The following ZNF627 variants were observed in gnomAD, a reference collection of about 807,000 sequenced individuals.
ZNF627 encodes the protein zinc finger protein 627.
Under a neutral mutation model 10.6 loss-of-function variants are expected in ZNF627, and 12 were observed. The ratio of observed to expected loss-of-function variants is 1.13; its 90% CI spans 0.73 to 1.84. The LOEUF (loss-of-function observed/expected upper bound fraction) is 1.84, where lower values mean the gene tolerates loss of function less well. Among genes scored for constraint, ZNF627 ranks in the 40% most tolerant of loss-of-function variants. The pLI is 0.00. For missense variants in ZNF627, 504 were observed against 568.4 expected (o/e 0.89, Z 1.15); for synonymous variants, 176 against 187.1 (o/e 0.94, Z 0.48).
At chr19:11,609,431 C>T (rs1227721043) in intron 1 of ZNF627, among the ~76,000 whole-genome samples, 1 of 145,548 alleles carries the variant, frequency 6.9e-6, no homozygotes, top group Non-Finnish European at 1.5e-5. Context: ...TGCTTTGCAT[C>T]TTCCAGATCC....
chr19:11,617,026 A>AC lies in ZNF627; in HGVS notation c.525dup (p.Phe176LeufsTer15). 1 of 1,614,048 alleles carries AC rather than the reference A, an allele frequency of 6.2e-7. No individual in the cohort carries two copies. Among genetic ancestry groups the AC allele is most frequent in the Non-Finnish European group, 8.5e-7 (1 of 1,179,976 alleles). On this transcript the variant is annotated frameshift_variant, in exon 4 of 4. Coordinates refer to ENST00000361113, the MANE Select transcript of ZNF627 (RefSeq NM_145295.4). LOFTEE classifies it low-confidence loss of function (END_TRUNC). ...CTATGATTGTAAGGAATGTGGAGAA[A>AC]CCTTTATTTCTCTTGTAAGCATTCG...
chr19:11,606,855 C>T (rs896489568), intron 1 of ZNF627, among the ~76,000 whole-genome samples: 1 of 152,216 alleles, frequency 6.6e-6, no homozygotes, highest in Non-Finnish European at 1.5e-5. Context: ...AAGCCATGAC[C>T]CGAATTGTAC....
rs747948922 is a variant in ZNF627, at chr19:11,617,260, T to C, written c.757T>C (p.Cys253Arg). 3.1e-6 allele frequency: 5 copies of C among 1,613,816 alleles called. No homozygotes were observed. Among genetic ancestry groups the C allele is most frequent in the Non-Finnish European group, 1.7e-6 (2 of 1,179,988 alleles). ...TCACACTGGAGATAAACCCTATGAA[T>C]GCAAGCAGTGTGGGAAAGCTTTCAG... ...RTHTGDKPYECKQCGKAFSCS... is the reference protein window; with the variant it reads ...RTHTGDKPYERKQCGKAFSCS... The change falls in exon 4 of 4, where the codon TGC becomes CGC. Residue 253 changes from cysteine to arginine, a missense_variant. Physicochemically the swap from Cys to Arg is radical, Grantham distance 180. Transcript: ENST00000361113.
At chr19:11,616,196 C>T (rs906431024) in intron 3 of ZNF627, among the ~76,000 whole-genome samples, 30 of 151,728 alleles carry the variant, frequency 2.0e-4, no homozygotes, top group African/African-American at 7.0e-4. Context: ...CTCCACTGCG[C>T]CTGGCTAATT....
intron 1 of ZNF627, chr19:11,604,414 C>T (rs561605068): frequency 6.6e-6 from 1 of 152,326 alleles, no homozygotes; most frequent in African/African-American, 2.4e-5. Flanking sequence ...GGACCTCTCT[C>T]TGGGCAGTTG....
intron 1 of ZNF627, 89 bp downstream of exon 1, chr19:11,597,719 C>T: frequency 1.6e-6 from 2 of 1,265,854 alleles, no homozygotes; most frequent in Non-Finnish European, 2.0e-6. Context: ...CTAGGCCTCC[C>T]TGCGGCGACT....
At chr19:11,610,903 A>G (rs1973762043) in intron 1 of ZNF627, among the ~76,000 whole-genome samples, 1 of 151,776 alleles carries the variant, frequency 6.6e-6, no homozygotes, top group African/African-American at 2.4e-5. Context: ...GCCAGGCTGG[A>G]GTGCAGTGGC....
intron 1 of ZNF627, among the ~76,000 whole-genome samples, chr19:11,606,134 GATCAAGACC>G (rs1259233468): frequency 6.6e-6 from 1 of 152,048 alleles, no homozygotes; most frequent in African/African-American, 2.4e-5. Flanking sequence ...GAGGTCAGGA[GATCAAGACC>G]ATCCTGGCTA....
In ZNF627 at chr19:11,614,841, G is replaced by A; in HGVS notation, c.145G>A (p.Asp49Asn). Reference sequence around the variant, plus strand: ...CTAAATTTTAGGAAAACAATGGGAAGACCAGAACATTGAAGACCCATTCAA... The same window carrying A: ...CTAAATTTTAGGAAAACAATGGGAAAACCAGAACATTGAAGACCCATTCAA... ...NLASVGKQWE[D>N]QNIEDPFKIP... Residue 49 changes from aspartate (D) to asparagine (N), a missense_variant, in exon 3 of 4, where the codon GAC becomes AAC. Coordinates refer to ENST00000361113, the MANE Select transcript of ZNF627 (RefSeq NM_145295.4). 6.2e-7 allele frequency: 1 copy of A among 1,605,974 alleles called. No homozygotes were observed. Among genetic ancestry groups the A allele is most frequent in the Non-Finnish European group, 8.5e-7 (1 of 1,177,768 alleles).
chr19:11,609,679 G>A (rs959302264), intron 1 of ZNF627, among the ~76,000 whole-genome samples: 28 of 151,348 alleles, frequency 1.9e-4, no homozygotes, highest in African/African-American at 4.6e-4. Context: ...CACCATGCCC[G>A]GCTAATGTTT....
At chr19:11,600,220 C>G (rs1186055730) in intron 1 of ZNF627, among the ~76,000 whole-genome samples, 1 of 151,934 alleles carries the variant, frequency 6.6e-6, no homozygotes, top group Non-Finnish European at 1.5e-5. Context: ...GCAGGCAGAT[C>G]ACGAGGTCAG....
chr19:11,617,323 A>G lies in ZNF627; in HGVS notation c.820A>G (p.Thr274Ala). Residue 274 changes from threonine to alanine, a missense_variant, in exon 4 of 4, where the codon ACA becomes GCA. Coordinates refer to ENST00000361113, the MANE Select transcript of ZNF627 (RefSeq NM_145295.4). ...KYIRIHERTH[T>A]GEKPYECKQC... ...CATTCGAATCCATGAACGAACTCAC[A>G]CAGGAGAGAAACCCTACGAATGTAA... 1 of 1,614,082 alleles carries G rather than the reference A, an allele frequency of 6.2e-7. No homozygotes were observed. The highest frequency in any genetic ancestry group is 8.5e-7 in the Non-Finnish European group (1 of 1,180,044).
rs1973912845 is a variant in ZNF627 at position 11,618,174 on chromosome 19, C to T, written c.*285C>T. The T allele has an allele frequency of 2.9e-6, 1 of 344,994 alleles. No individual in the cohort carries two copies. Among genetic ancestry groups the T allele is most frequent in the Admixed American group, 4.3e-5 (1 of 23,470 alleles). The allele number at this position is 344,994 out of a possible 1,614,324, so 21.4% of individuals were successfully genotyped here. A position where few individuals can be genotyped will look rare whatever the true frequency, so the allele number is the denominator to read the frequency against. On this transcript the variant is annotated 3_prime_UTR_variant, in exon 4 of 4. Transcript: ENST00000361113. ...TACAATTCACCAGTAACCTATCTTA[C>T]ATGAGATTCGGAAGTAAGTTAAGAA...
intron 1 of ZNF627, among the ~76,000 whole-genome samples, chr19:11,608,206 A>G (rs904407129): frequency 2.0e-5 from 3 of 152,176 alleles, no homozygotes; most frequent in African/African-American, 7.2e-5. Context: ...ATGGAGGGAA[A>G]TGCCCCCATG....
intron 1 of ZNF627, among the ~76,000 whole-genome samples, chr19:11,606,940 C>T (rs988549016): frequency 1.3e-5 from 2 of 152,080 alleles, no homozygotes; most frequent in African/African-American, 4.8e-5. Flanking sequence ...CAGCAAGGGG[C>T]CCTGGACCAG....
At chr19:11,615,628 C>A (rs1973853756) in intron 3 of ZNF627, among the ~76,000 whole-genome samples, 1 of 150,660 alleles carries the variant, frequency 6.6e-6, no homozygotes, top group African/African-American at 2.4e-5. Context: ...AAAATCTTCT[C>A]CAAAAACATA....
chr19:11,603,160 A>G (rs1311179181), intron 1 of ZNF627, among the ~76,000 whole-genome samples: 1 of 151,850 alleles, frequency 6.6e-6, no homozygotes, highest in East Asian at 1.9e-4. Flanking sequence ...TGGTTTCTGC[A>G]TTTAGTTTGG....
chr19:11,612,629 C>A (rs1283201978), intron 1 of ZNF627, among the ~76,000 whole-genome samples: 1 of 151,746 alleles, frequency 6.6e-6, no homozygotes, highest in African/African-American at 2.4e-5. Flanking sequence ...CCATGTTGAC[C>A]AGGCTGGTCT....
rs1314014092 is a variant in ZNF627, at chr19:11,618,307, CAA to C, written c.*419_*420del. The C allele has an allele frequency of 5.6e-5, 9 of 161,868 alleles. No individual in the cohort carries two copies. Among genetic ancestry groups the C allele is most frequent in the Admixed American group, 3.8e-4 (6 of 15,656 alleles). 10.0% of individuals were successfully genotyped at this position (161,868 alleles called of 1,614,324 possible). A position where few individuals can be genotyped will look rare whatever the true frequency, so the allele number is the denominator to read the frequency against. Reference sequence around the variant, plus strand: ...TTTCCTGCTTCTTTGGGTTGCCAATCAAGAGTATCCTCAAAACGACTTGACTT... The same window carrying C: ...TTTCCTGCTTCTTTGGGTTGCCAATCGAGTATCCTCAAAACGACTTGACTT... On this transcript the variant is annotated 3_prime_UTR_variant, in exon 4 of 4. Coordinates refer to ENST00000361113, the MANE Select transcript of ZNF627 (RefSeq NM_145295.4).
Sources: gnomAD v4.1 joint callset for allele counts (sites outside exome capture counted in the v4.1 genomes callset) on GRCh38, gnomAD v4.1.1 for gene constraint, MANE v1.5 for transcripts, NCBI Gene and HGNC (gene_info 2026-07-23, HGNC 2026-07-21) for gene names.